Variants in LRP2 observed in about 807,000 individuals in gnomAD.
LRP2 encodes the protein low-density lipoprotein receptor-related protein 2.
LRP2 carries 172 observed loss-of-function variants against 531.0 expected under a neutral mutation model. That is an observed-to-expected ratio of 0.32 (90% CI 0.29 to 0.37). The LOEUF (loss-of-function observed/expected upper bound fraction) is 0.37, where lower values mean the gene tolerates loss of function less well. Among genes scored for constraint, LRP2 ranks in the 10% least tolerant of loss-of-function variants. LRP2 has a pLI of 1.00. For missense variants in LRP2, 5,167 were observed against 5,868.3 expected, an observed-to-expected ratio of 0.88 and a Z score of 3.90; for synonymous variants, 1,992 against 2,027.6, an observed-to-expected ratio of 0.98 and a Z score of 0.47.
At chr2:169,287,801 A>G (rs543807610) in intron 9 of LRP2, among the ~76,000 whole-genome samples, 1 of 149,190 alleles carries the variant, frequency 6.7e-6, no homozygotes, top group Non-Finnish European at 1.5e-5. Flanking sequence ...ATATTCAATA[A>G]TTTTTTCCAA....
At chr2:169,233,114 C>T (rs1036144060) in intron 30 of LRP2, among the ~76,000 whole-genome samples, 1 of 152,166 alleles carries the variant, frequency 6.6e-6, no homozygotes, top group Non-Finnish European at 1.5e-5. Context: ...CTGGTCTGTA[C>T]TCCATTTGTC....
At chr2:169,310,002 A>C (rs1684546997) in intron 3 of LRP2, among the ~76,000 whole-genome samples, 1 of 152,044 alleles carries the variant, frequency 6.6e-6, no homozygotes, top group South Asian at 2.1e-4. Flanking sequence ...ATGGGAATTC[A>C]CTCATGATTT....
rs1688424159 is a variant in LRP2, at chr2:169,207,174, A to G, written c.6546T>C (p.Arg2182=). The part of the protein sequence containing the change: ...EVLRINTTYR[R]VLLKVTVDMP... ...TGTCCACTGTGACTTTAAGAAGAAC[A>G]CGGCGGTAAGTAGTATTGATCCGCA... Residue 2182 remains arginine, a synonymous_variant, in exon 39 of 79, where the codon CGT becomes CGC. Coordinates refer to ENST00000649046, the MANE Select transcript of LRP2 (RefSeq NM_004525.3). 6.2e-7 allele frequency: 1 copy of G among 1,613,768 alleles called. No homozygotes were observed.
At chr2:169,266,793 T>G (rs1186457968) in intron 16 of LRP2, among the ~76,000 whole-genome samples, 4 of 152,048 alleles carry the variant, frequency 2.6e-5, no homozygotes, top group Non-Finnish European at 2.9e-5. Flanking sequence ...AAACAGTGTC[T>G]AGTCAATTAA....
intron 1 of LRP2, among the ~76,000 whole-genome samples, chr2:169,349,424 A>C (rs1205536959): frequency 2.0e-5 from 3 of 152,184 alleles, no homozygotes; most frequent in African/African-American, 4.8e-5. Context: ...TGCACTGTGC[A>C]TGGGGAGAGG....
Position 169,289,037 on chromosome 2 carries a change from C to T in LRP2, c.1031G>A (p.Arg344His), listed in dbSNP as rs758214149. 36 of 1,613,998 alleles carry T rather than the reference C, an allele frequency of 2.2e-5. No individual in the cohort carries two copies. The highest frequency in any genetic ancestry group is 2.6e-5 in the Non-Finnish European group (31 of 1,179,920). Residue 344 changes from arginine (R) to histidine (H), a missense_variant, in exon 9 of 79, where the codon CGT (arginine) becomes CAT (histidine). Arg to His is a conservative substitution (Grantham distance 29). Around this residue, in one of 6 missense-constraint regions of LRP2, gnomAD observed 2,811 missense variants for 3,058.0 expected, o/e 0.92. Transcript: ENST00000649046. Reference protein sequence around the residue: ...PGYIINHNDSRTCVEFDDCQI... With the variant: ...PGYIINHNDSHTCVEFDDCQI... ...CCCCCATCACTTACCAACACAGGTA[C>T]GGCTGTCATTGTGGTTGATGATATA...
At chr2:169,182,133 G>C in intron 51 of LRP2, 34 bp downstream of exon 51, 4 of 1,613,282 alleles carry the variant, frequency 2.5e-6, no homozygotes, top group Non-Finnish European at 3.4e-6. Context: ...AGAAGGAGGT[G>C]AAAGAAAAGC....
Position 169,307,341 on chromosome 2 carries a change from T to C in LRP2, c.367A>G (p.Ser123Gly), listed in dbSNP as rs779378631. 2 of 1,614,050 alleles carry C rather than the reference T, an allele frequency of 1.2e-6. No individual in the cohort carries two copies. The highest frequency in any genetic ancestry group is 1.7e-6 in the Non-Finnish European group (2 of 1,179,906). Residue 123 changes from serine to glycine, a missense_variant, in exon 4 of 79, where the codon AGT becomes GGT. This residue lies in a region of LRP2 where 2,811 missense variants were observed against 3,058.0 expected (regional missense o/e 0.92). Coordinates refer to ENST00000649046, the MANE Select transcript of LRP2 (RefSeq NM_004525.3). ...CTGACGTGGTCGCACCTGTATTCAC[T>C]TGGGATACACTGACCATTGGAGCAT... is the stretch of plus-strand genomic sequence containing the variant. ...ITCSNGQCIP[S>G]EYRCDHVRDC...
In LRP2 at chr2:169,239,661, G is replaced by T; in HGVS notation, c.4160C>A (p.Thr1387Asn). 6.2e-7 allele frequency: 1 copy of T among 1,613,964 alleles called. No homozygotes were observed. Among genetic ancestry groups the T allele is most frequent in the South Asian group, 1.1e-5 (1 of 91,084 alleles). ...LGFLLANDSKTCEDIDECDIL... is the reference protein window; with the variant it reads ...LGFLLANDSKNCEDIDECDIL... ...ATCACATTCATCTATGTCTTCACAG[G>T]TCTTAGAATCATTGGCAAGTAAGAA... Residue 1387 changes from threonine (T) to asparagine (N), a missense_variant, in exon 26 of 79, where the codon ACC becomes AAC. Physicochemically the swap from Thr to Asn is moderately conservative, Grantham distance 65 (BLOSUM62 0). Around this residue, in one of 6 missense-constraint regions of LRP2, gnomAD observed 2,811 missense variants for 3,058.0 expected, o/e 0.92. Transcript: ENST00000649046.
At chr2:169,326,785 G>A (rs1368997846) in intron 1 of LRP2, among the ~76,000 whole-genome samples, 3 of 149,998 alleles carry the variant, frequency 2.0e-5, no homozygotes, top group Admixed American at 6.7e-5. Context: ...GCCTCTTCCC[G>A]GCAGCCATCC....
At chr2:169,314,156 G>A (rs549256819) in intron 3 of LRP2, among the ~76,000 whole-genome samples, 8 of 152,168 alleles carry the variant, frequency 5.3e-5, no homozygotes, top group African/African-American at 1.9e-4. Context: ...CCCAGCTATG[G>A]GAGATTGAGG....
intron 9 of LRP2, among the ~76,000 whole-genome samples, chr2:169,283,937 G>T (rs1340629015): frequency 3.3e-5 from 5 of 152,070 alleles, no homozygotes; most frequent in South Asian, 4.2e-4. Context: ...TGCAGAAATT[G>T]GTACATCTGA....
chr2:169,158,369 T>G (rs1686421220), intron 63 of LRP2, among the ~76,000 whole-genome samples: 1 of 152,076 alleles, frequency 6.6e-6, no homozygotes, highest in Non-Finnish European at 1.5e-5. Context: ...GTAAACAACT[T>G]GAATGTATGT....
chr2:169,174,037 G>T lies in LRP2; in HGVS notation c.10896C>A (p.Ser3632Arg). ...GAAACTGGCCCGGCCGGCAGGTCCT[G>T]CTGGCACAGTGGGAACTGTCTTCAT... ...NSDEDSSHCA[S>R]RTCRPGQFRC... Residue 3632 changes from serine (S) to arginine (R), a missense_variant, in exon 56 of 79, where the codon AGC becomes AGA. By Grantham distance (110) the Ser-to-Arg change is moderately radical. Around this residue, in one of 6 missense-constraint regions of LRP2, gnomAD observed 311 missense variants for 309.4 expected, o/e 1.01. Coordinates refer to ENST00000649046, the MANE Select transcript of LRP2 (RefSeq NM_004525.3). The T allele has an allele frequency of 6.2e-7, 1 of 1,614,230 alleles. No individual in the cohort carries two copies. Among genetic ancestry groups the T allele is most frequent in the Non-Finnish European group, 8.5e-7 (1 of 1,180,046 alleles).
At chr2:169,193,434 A>G (rs1687898296) in intron 47 of LRP2, among the ~76,000 whole-genome samples, 1 of 150,716 alleles carries the variant, frequency 6.6e-6, no homozygotes, top group Admixed American at 6.6e-5. Context: ...TTGTCAAAAA[A>G]AAAAAAAAAG....
Position 169,152,881 on chromosome 2 carries a change from G to A in LRP2, c.12379C>T (p.Arg4127Cys), listed in dbSNP as rs148356370. Residue 4127 changes from arginine to cysteine, a missense_variant, in exon 67 of 79, where the codon CGC (arginine) becomes TGC (cysteine). Physicochemically the swap from Arg to Cys is radical, Grantham distance 180. Around this residue, in one of 6 missense-constraint regions of LRP2, gnomAD observed 564 missense variants for 747.7 expected, o/e 0.75. Coordinates refer to ENST00000649046, the MANE Select transcript of LRP2 (RefSeq NM_004525.3). Reference protein sequence around the residue: ...RAYIPNFESGRNNLVQEVDLK... With the variant: ...RAYIPNFESGCNNLVQEVDLK... ...TCAACTTCCTGCACAAGATTATTGCGGCCGGATTCAAAGTTGGGGATGTAG... is the reference window on the plus strand; with the variant it reads ...TCAACTTCCTGCACAAGATTATTGCAGCCGGATTCAAAGTTGGGGATGTAG... 34 of 1,613,892 alleles carry A rather than the reference G, an allele frequency of 2.1e-5. No individual in the cohort carries two copies. The highest frequency in any genetic ancestry group is 2.7e-5 in the African/African-American group (2 of 74,876).
At chr2:169,258,402 T>C (rs1471637978) in intron 17 of LRP2, among the ~76,000 whole-genome samples, 1 of 152,136 alleles carries the variant, frequency 6.6e-6, no homozygotes, top group Non-Finnish European at 1.5e-5. Context: ...TAATCAGGCA[T>C]TGGTGGGTTA....
chr2:169,204,428 T>C (rs189259678), intron 41 of LRP2, among the ~76,000 whole-genome samples, 157 bp from the exon 42 acceptor site: 104 of 152,300 alleles, frequency 6.8e-4, no homozygotes, highest in African/African-American at 2.2e-3. Context: ...CTTCTGGTGA[T>C]GGGAGGTCTT....
At chr2:169,164,079 A>G (rs1686690375) in intron 62 of LRP2, among the ~76,000 whole-genome samples, 1 of 152,234 alleles carries the variant, frequency 6.6e-6, no homozygotes, top group Admixed American at 6.5e-5. Context: ...GCAGACATGA[A>G]TCAGGACTGT....
Sources: gnomAD v4.1 joint callset for allele counts (sites outside exome capture counted in the v4.1 genomes callset) on GRCh38, gnomAD v4.1.1 for gene constraint, gnomAD v4.1.1 regional missense constraint, MANE v1.5 for transcripts, NCBI Gene and HGNC (gene_info 2026-07-23, HGNC 2026-07-21) for gene names.